Variants in HMBOX1 observed in about 807,000 individuals in gnomAD.
HMBOX1 encodes the protein homeobox containing 1.
HMBOX1 carries 14 observed loss-of-function variants against 54.5 expected under a neutral mutation model. The ratio of observed to expected loss-of-function variants is 0.26; its 90% confidence interval spans 0.17 to 0.40. HMBOX1 has a LOEUF of 0.40. Ranked by LOEUF, HMBOX1 falls within the 10% of genes least tolerant of loss-of-function variation. The pLI is 1.00. For missense variants in HMBOX1, 332 were observed against 514.4 expected, an observed-to-expected ratio of 0.65 and a Z score of 3.43; for synonymous variants, 160 against 181.0, an observed-to-expected ratio of 0.88 and a Z score of 0.93.
intron 1 of HMBOX1, among the ~76,000 whole-genome samples, chr8:28,891,947 T>C (rs976228947): frequency 6.6e-6 from 1 of 152,198 alleles, no homozygotes; most frequent in Non-Finnish European, 1.5e-5. Flanking sequence ...TTCTCTGGTA[T>C]CCTGCAGGTA....
At chr8:28,994,855 G>A (rs1831557769) in intron 4 of HMBOX1, among the ~76,000 whole-genome samples, 1 of 152,112 alleles carries the variant, frequency 6.6e-6, no homozygotes, top group South Asian at 2.1e-4. Context: ...CATATGAAAA[G>A]ATGAAAGCAT....
rs566013599 is a variant in HMBOX1 at position 29,051,311 on chromosome 8, C to T, written c.*156C>T. On this transcript the variant is annotated 3_prime_UTR_variant, in exon 10 of 10. Transcript: ENST00000287701. ...TGTTCTGTGAAGATGGCATGGTGCC[C>T]TCAGCCTTTGCATATACTCTCTCAG... The T allele has an allele frequency of 1.3e-6, 1 of 760,170 alleles. No individual in the cohort carries two copies. The highest frequency in any genetic ancestry group is 1.7e-5 in the African/African-American group (1 of 57,332). The allele number at this position is 760,170 out of a possible 1,614,324, so 47.1% of individuals were successfully genotyped here.
intron 1 of HMBOX1, among the ~76,000 whole-genome samples, chr8:28,921,706 C>G (rs1817592173): frequency 6.6e-6 from 1 of 152,108 alleles, no homozygotes. Context: ...TACCATAAAA[C>G]ATGCTTATAT....
chr8:28,900,590 G>A (rs771226245), intron 1 of HMBOX1, among the ~76,000 whole-genome samples: 24 of 151,854 alleles, frequency 1.6e-4, no homozygotes, highest in Admixed American at 1.1e-3. Flanking sequence ...TATATTTTGC[G>A]TAAATATGAT....
chr8:28,940,221 G>C (rs898482897), intron 1 of HMBOX1, among the ~76,000 whole-genome samples: 1 of 152,050 alleles, frequency 6.6e-6, no homozygotes, highest in African/African-American at 2.4e-5. Context: ...TGGTCAGGCT[G>C]GTCTTGAACT....
intron 1 of HMBOX1, among the ~76,000 whole-genome samples, chr8:28,893,600 T>C (rs1032620501): frequency 1.3e-5 from 2 of 152,224 alleles, no homozygotes; most frequent in African/African-American, 4.8e-5. Flanking sequence ...TTCAGTCTTC[T>C]AGCCCAAATC....
chr8:28,908,777 T>G (rs1213645549), intron 1 of HMBOX1, among the ~76,000 whole-genome samples: 1 of 151,766 alleles, frequency 6.6e-6, no homozygotes, highest in African/African-American at 2.4e-5. Flanking sequence ...AAAAAAAACC[T>G]GGGTTATATA....
In HMBOX1 at chr8:29,006,117, C is replaced by T. The variant is rs570169238; in HGVS notation, c.587-2955C>T. 1.3e-4 allele frequency among the ~76,000 whole-genome samples: 20 copies of T among 151,702 alleles called. No homozygotes were observed. In the South Asian group the frequency reaches 3.8e-3, roughly 28 times the overall value. On this transcript the variant is annotated intron_variant, in intron 4 of 9. Transcript: ENST00000287701. The stretch of plus-strand genomic sequence containing the variant: ...AAGCAATTCTCCTGCCTCAGCCTCC[C>T]GAGTAGCTGGGACTACAGGCACACA...
intron 9 of HMBOX1, chr8:29,050,377 C>A: frequency 4.0e-6 from 1 of 247,112 alleles, no homozygotes; most frequent in Non-Finnish European, 6.5e-6. Context: ...CAGCTTCACA[C>A]TAGTTCTAGG....
intron 6 of HMBOX1, 139 bp from the exon 7 acceptor site, chr8:29,045,222 C>A: frequency 1.4e-6 from 1 of 691,520 alleles, no homozygotes; most frequent in Admixed American, 2.2e-5. Context: ...TCTACTCTCA[C>A]AGAACATTCC....
chr8:28,956,820 A>C (rs1824537731), intron 1 of HMBOX1, among the ~76,000 whole-genome samples: 1 of 152,202 alleles, frequency 6.6e-6, no homozygotes, highest in South Asian at 2.1e-4. Context: ...TAACCCCATT[A>C]AAAAGTGGAC....
chr8:28,948,009 A>G (rs969404913), intron 1 of HMBOX1, among the ~76,000 whole-genome samples: 4 of 152,206 alleles, frequency 2.6e-5, no homozygotes, highest in Non-Finnish European at 5.9e-5. Context: ...TACAGCCTCT[A>G]TCTCCTGGGC....
At chr8:28,959,686 A>C (rs1825117729) in intron 1 of HMBOX1, among the ~76,000 whole-genome samples, 5 of 152,126 alleles carry the variant, frequency 3.3e-5, no homozygotes. Flanking sequence ...GGCTGCATAA[A>C]ATGGATTGGA....
At chr8:28,904,630 C>G (rs1019712096) in intron 1 of HMBOX1, among the ~76,000 whole-genome samples, 1 of 151,970 alleles carries the variant, frequency 6.6e-6, no homozygotes, top group Non-Finnish European at 1.5e-5. Context: ...AAACATTGAA[C>G]CTTTTTTTGT....
chr8:28,974,949 C>T (rs1482828867), intron 3 of HMBOX1, among the ~76,000 whole-genome samples: 1 of 152,130 alleles, frequency 6.6e-6, no homozygotes, highest in Non-Finnish European at 1.5e-5. Flanking sequence ...ATTTTTAAAA[C>T]AGGTGGTCTT....
chr8:29,014,128 A>C (rs1467738697), intron 5 of HMBOX1, among the ~76,000 whole-genome samples: 1 of 152,176 alleles, frequency 6.6e-6, no homozygotes, highest in Non-Finnish European at 1.5e-5. Context: ...GGACATTATG[A>C]TATATGTAAA....
intron 1 of HMBOX1, among the ~76,000 whole-genome samples, chr8:28,936,168 C>T (rs565355072): frequency 1.3e-5 from 2 of 151,986 alleles, no homozygotes; most frequent in South Asian, 2.1e-4. Flanking sequence ...CTAAGGGAAG[C>T]GTAAAATTTT....
At chr8:28,911,752 T>G (rs1435814705) in intron 1 of HMBOX1, among the ~76,000 whole-genome samples, 1 of 152,118 alleles carries the variant, frequency 6.6e-6, no homozygotes, top group African/African-American at 2.4e-5. Context: ...ACACCAGCAC[T>G]ACACCATTTT....
chr8:28,975,815 G>A (rs1472708439), intron 3 of HMBOX1, among the ~76,000 whole-genome samples: 1 of 151,962 alleles, frequency 6.6e-6, no homozygotes, highest in Non-Finnish European at 1.5e-5. Context: ...AATTGCAGAT[G>A]AAGAGAGGAA....
Sources: allele counts gnomAD v4.1 joint callset (sites outside exome capture counted in the v4.1 genomes callset), GRCh38; gene constraint gnomAD v4.1.1; transcripts MANE v1.5; gene names NCBI Gene and HGNC (gene_info 2026-07-23, HGNC 2026-07-21).